Variants in ITPKB observed in about 807,000 individuals in gnomAD.
The protein encoded by ITPKB is inositol-trisphosphate 3-kinase B, also known as IP3 3-kinase B.
ITPKB carries 13 observed loss-of-function variants against 69.4 expected under a neutral mutation model. The ratio of observed to expected loss-of-function variants is 0.19; its 90% CI spans 0.12 to 0.30. The LOEUF is 0.30. Among genes scored for constraint, ITPKB ranks in the 10% least tolerant of loss-of-function variants. The pLI, the probability that ITPKB is intolerant of heterozygous loss-of-function variation, is 1.00. For missense variants in ITPKB, 1,240 were observed against 1,250.5 expected (o/e 0.99, Z 0.13); for synonymous variants, 584 against 513.7 (o/e 1.14, Z -1.85).
intron 2 of ITPKB, among the ~76,000 whole-genome samples, chr1:226,732,720 T>C (rs1657628884): frequency 6.6e-6 from 1 of 152,198 alleles, no homozygotes; most frequent in South Asian, 2.1e-4. Flanking sequence ...CGCTGGTTAA[T>C]TTTTAGTTGT....
At chr1:226,707,691 A>T (rs535163793) in intron 2 of ITPKB, 2 of 1,029,038 alleles carry the variant, frequency 1.9e-6, no homozygotes, top group African/African-American at 3.5e-5. Context: ...TTGAAAACTA[A>T]AGAATTACAA....
intron 2 of ITPKB, among the ~76,000 whole-genome samples, chr1:226,689,444 C>T (rs1359261534): frequency 6.6e-6 from 1 of 152,126 alleles, no homozygotes; most frequent in Non-Finnish European, 1.5e-5. Flanking sequence ...CTGTGGTAGG[C>T]CCAGGGAAGG....
At chr1:226,732,159 G>GT (rs1242936843) in intron 2 of ITPKB, among the ~76,000 whole-genome samples, 2 of 144,000 alleles carry the variant, frequency 1.4e-5, no homozygotes, top group East Asian at 4.1e-4. Context: ...TTAAAAAACA[G>GT]TAAGCACCAT....
Position 226,737,055 on chromosome 1 carries a change from T to C in ITPKB, c.404A>G (p.Gln135Arg). 3 of 1,611,954 alleles carry C rather than the reference T, an allele frequency of 1.9e-6. No individual in the cohort carries two copies. The highest frequency in any genetic ancestry group is 2.5e-6 in the Non-Finnish European group (3 of 1,179,930). ...EEAKRKLRILQRELQNVQVNQ... is the reference protein window; with the variant it reads ...EEAKRKLRILRRELQNVQVNQ... ...CACCTGCACGTTCTGCAACTCGCGC[T>C]GCAAGATCCGCAGCTTCCTCTTGGC... The change falls in exon 2 of 8, where the codon CAG becomes CGG. Residue 135 changes from glutamine to arginine, a missense_variant. Physicochemically the swap from Gln to Arg is conservative, Grantham distance 43. This residue lies in a region of ITPKB where 992 missense variants were observed against 853.8 expected (regional missense o/e 1.16). Coordinates refer to ENST00000429204, the MANE Select transcript of ITPKB (RefSeq NM_002221.4).
chr1:226,687,235 A>G (rs181313375), intron 2 of ITPKB, among the ~76,000 whole-genome samples: 3 of 152,386 alleles, frequency 2.0e-5, no homozygotes, highest in South Asian at 4.1e-4. Flanking sequence ...GAAATAGTGC[A>G]GAATGCTGCC....
intron 2 of ITPKB, among the ~76,000 whole-genome samples, chr1:226,714,270 T>C (rs535201785): frequency 6.6e-5 from 10 of 152,350 alleles, no homozygotes; most frequent in African/African-American, 7.2e-5. Flanking sequence ...AGTATGTGAT[T>C]CACCATGTTC....
intron 2 of ITPKB, among the ~76,000 whole-genome samples, chr1:226,705,839 A>G (rs1656790503): frequency 6.6e-6 from 1 of 152,234 alleles, no homozygotes; most frequent in Non-Finnish European, 1.5e-5. Context: ...CCTGTCAGGC[A>G]GGTCATTTGA....
intron 2 of ITPKB, among the ~76,000 whole-genome samples, chr1:226,705,931 T>A (rs1194269017): frequency 6.6e-6 from 1 of 152,184 alleles, no homozygotes; most frequent in Non-Finnish European, 1.5e-5. Context: ...CAGAAGGGAT[T>A]CCCCTCACAT....
intron 2 of ITPKB, among the ~76,000 whole-genome samples, chr1:226,721,797 TTTTTC>T (rs958174767): frequency 7.0e-6 from 1 of 142,448 alleles, no homozygotes; most frequent in African/African-American, 2.6e-5. Flanking sequence ...ACCTGGCCTT[TTTTTC>T]TTTTCTTTTC....
intron 4 of ITPKB, among the ~76,000 whole-genome samples, chr1:226,646,128 C>T (rs1444730052): frequency 6.6e-6 from 1 of 152,242 alleles, no homozygotes; most frequent in Non-Finnish European, 1.5e-5. Flanking sequence ...CAGCCTTCTG[C>T]TCTGAGCTCT....
At chr1:226,639,881 A>G (rs561163512) in intron 5 of ITPKB, among the ~76,000 whole-genome samples, 1 of 152,314 alleles carries the variant, frequency 6.6e-6, no homozygotes, top group South Asian at 2.1e-4. Context: ...GGTGGCGCTG[A>G]CATCCCCAGG....
chr1:226,686,955 G>A (rs1656229594), intron 2 of ITPKB, among the ~76,000 whole-genome samples: 1 of 152,184 alleles, frequency 6.6e-6, no homozygotes, highest in African/African-American at 2.4e-5. Flanking sequence ...TGTGACAACA[G>A]AAGTCCCCTG....
intron 4 of ITPKB, among the ~76,000 whole-genome samples, chr1:226,644,646 G>A (rs1165882626): frequency 6.6e-6 from 1 of 152,196 alleles, no homozygotes; most frequent in Non-Finnish European, 1.5e-5. Flanking sequence ...ACCAGCAACT[G>A]CATCACATTC....
rs1403403418 is a variant in ITPKB at position 226,737,633 on chromosome 1, C to T, written c.-175G>A. 4 of 1,117,208 alleles carry T rather than the reference C, an allele frequency of 3.6e-6. No homozygotes were observed. Among genetic ancestry groups the T allele is most frequent in the Non-Finnish European group, 4.4e-6 (4 of 915,418 alleles). The allele number at this position is 1,117,208 out of a possible 1,614,324, so 69.2% of individuals were successfully genotyped here. A position where few individuals can be genotyped will look rare whatever the true frequency, so the allele number is the denominator to read the frequency against. ...TGGGGGCACGACCGCGGGCTCAGCC[C>T]CCGCCCAAAGCTCCATAAACAACCG... On this transcript the variant is annotated 5_prime_UTR_variant, in exon 2 of 8. Transcript: ENST00000429204.
At chr1:226,720,435 G>A (rs1197716838) in intron 2 of ITPKB, among the ~76,000 whole-genome samples, 1 of 152,212 alleles carries the variant, frequency 6.6e-6, no homozygotes, top group Non-Finnish European at 1.5e-5. Context: ...TGGCAGAGAG[G>A]ACAGGGTAGG....
intron 2 of ITPKB, among the ~76,000 whole-genome samples, chr1:226,672,064 A>G (rs558804593): frequency 1.2e-4 from 18 of 152,336 alleles, no homozygotes; most frequent in African/African-American, 4.1e-4. Flanking sequence ...GGTGAAAACA[A>G]GAAAGATCCA....
chr1:226,684,245 T>C (rs1348289423), intron 2 of ITPKB, among the ~76,000 whole-genome samples: 1 of 152,070 alleles, frequency 6.6e-6, no homozygotes, highest in Admixed American at 6.5e-5. Context: ...AAGTGTAGAA[T>C]CACCCCCAAG....
Position 226,641,825 on chromosome 1 carries a change from G to A in ITPKB, c.2451+96C>T. 5 of 1,145,294 alleles carry A rather than the reference G, an allele frequency of 4.4e-6. No homozygotes were observed. The highest frequency in any genetic ancestry group is 6.3e-6 in the Non-Finnish European group (5 of 797,554). 70.9% of individuals were successfully genotyped at this position (1,145,294 alleles called of 1,614,324 possible). ...CACCCACATTCTGAGCCTGTGCCTG[G>A]AGAAGCTTACAGCTTCCAAAGGGCG... On this transcript the variant is annotated intron_variant, in intron 5 of 7. Transcript: ENST00000429204. This position sits in a 1 kb window ranked among gnomAD's most constrained non-coding sequence, Gnocchi z 4.6.
chr1:226,679,190 G>T (rs1656007664), intron 2 of ITPKB, among the ~76,000 whole-genome samples: 1 of 152,212 alleles, frequency 6.6e-6, no homozygotes, highest in African/African-American at 2.4e-5. Context: ...ATGTCACTTT[G>T]TTTCCATCTG....
Sources: allele counts gnomAD v4.1 joint callset (sites outside exome capture counted in the v4.1 genomes callset), GRCh38; gene constraint gnomAD v4.1.1; regional missense constraint gnomAD v4.1.1; non-coding constraint Gnocchi (gnomAD v3.1); transcripts MANE v1.5; gene names NCBI Gene and HGNC (gene_info 2026-07-23, HGNC 2026-07-21).